SETD1B: variants seen among roughly 807,000 people sequenced by gnomAD.
SETD1B encodes the protein histone-lysine N-methyltransferase SETD1B.
SETD1B carries 7 observed loss-of-function variants against 148.0 expected under a neutral mutation model. That is an observed-to-expected ratio of 0.05 (90% CI 0.03 to 0.09). SETD1B has a LOEUF of 0.09. Ranked by LOEUF, SETD1B falls within the 10% of genes least tolerant of loss-of-function variation. The pLI, the probability that SETD1B is intolerant of heterozygous loss-of-function variation, is 1.00. For missense variants in SETD1B, 2,155 were observed against 2,729.9 expected, an observed-to-expected ratio of 0.79 and a Z score of 4.69; for synonymous variants, 1,361 against 1,186.5, an observed-to-expected ratio of 1.15 and a Z score of -3.02.
At chr12:121,792,190 G>A in the SETD1B span, among the ~76,000 whole-genome samples, 4 of 146,282 alleles carry the variant, frequency 2.7e-5, no homozygotes, top group African/African-American at 1.1e-4. Context: ...CTCCATCCTA[G>A]GTCAGTGTCT....
chr12:121,809,518 C>A, intron 5 of SETD1B, 85 bp from the exon 6 acceptor site: 1 of 1,422,676 alleles, frequency 7.0e-7, no homozygotes, highest in East Asian at 2.5e-5. Flanking sequence ...CTCTGAGCTT[C>A]CCAGCAGCCA....
In SETD1B at chr12:121,831,547, G is replaced by A. The variant is rs1184470736; in HGVS notation, c.*1308G>A. ...TCTGTATATAGAGGCTGCCGCAAAG[G>A]ACTTTCTCTTGGGAACATTGTTTCT... On this transcript the variant is annotated 3_prime_UTR_variant, in exon 17 of 17. Transcript: ENST00000604567. The A allele has an allele frequency of 6.6e-6, 1 of 151,748 alleles. No homozygotes were observed. The highest frequency in any genetic ancestry group is 6.6e-5 in the Admixed American group (1 of 15,244). The allele number at this position is 151,748 out of a possible 1,614,324, so 9.4% of individuals were successfully genotyped here.
At chr12:121,792,763 G>A in the SETD1B span, among the ~76,000 whole-genome samples, 1 of 152,188 alleles carries the variant, frequency 6.6e-6, no homozygotes, top group Admixed American at 6.5e-5. Flanking sequence ...CACAGCCCAG[G>A]CAATCCGAGC....
In SETD1B at chr12:121,822,573, C is replaced by A. The variant is rs372668133; in HGVS notation, c.3994C>A (p.Arg1332=). Residue 1332 remains arginine, a synonymous_variant, in exon 12 of 17, where the codon CGG becomes AGG. Coordinates refer to ENST00000604567, the MANE Select transcript of SETD1B (RefSeq NM_001353345.2). ...ACCATTGCCGCCCCCACGACCACCC[C>A]GGCCACCCAGCCCACCGCCGGAGCC... ...QPPLPPPRPP[R]PPSPPPEPET... The A allele has an allele frequency of 2.4e-5, 38 of 1,551,296 alleles. No individual in the cohort carries two copies. The Admixed American group carries it at 4.5e-4, about 18-fold the overall frequency.
intron 13 of SETD1B, 140 bp downstream of exon 13, chr12:121,825,506 GAGAGGCGGGTGGGC>G: frequency 3.3e-5 from 14 of 428,714 alleles, no homozygotes; most frequent in East Asian, 1.6e-4. Context: ...AGTGGAAGGG[GAGAGGCGGGTGGGC>G]GGGGCCTAGG....
chr12:121,826,700 C>T (rs2137587278), intron 13 of SETD1B, among the ~76,000 whole-genome samples: 1 of 152,222 alleles, frequency 6.6e-6, no homozygotes, highest in South Asian at 2.1e-4. Flanking sequence ...GTTCGGGTTG[C>T]TGCGGTTTCC....
the SETD1B span, among the ~76,000 whole-genome samples, chr12:121,798,127 A>C: frequency 6.6e-6 from 1 of 152,234 alleles, no homozygotes; most frequent in African/African-American, 2.4e-5. Flanking sequence ...TGCCATGGGC[A>C]CAGGCGCTGG....
rs969232574 is a variant in SETD1B at position 121,830,298 on chromosome 12, C to T, written c.*59C>T. On this transcript the variant is annotated 3_prime_UTR_variant, in exon 17 of 17. Transcript: ENST00000604567. This position sits in a 1 kb window ranked among gnomAD's most constrained non-coding sequence, Gnocchi z 5.7. ...AGCCCTGGGACTCCCGAGCGTGGAGCCCCTGGCCCCGGGGCCCGGCCCCCC... is the reference window on the plus strand; with the variant it reads ...AGCCCTGGGACTCCCGAGCGTGGAGTCCCTGGCCCCGGGGCCCGGCCCCCC... 8.7e-6 allele frequency: 13 copies of T among 1,489,734 alleles called. No homozygotes were observed. Among genetic ancestry groups the T allele is most frequent in the African/African-American group, 1.4e-5 (1 of 71,442 alleles). The allele number at this position is 1,489,734 out of a possible 1,614,324, so 92.3% of individuals were successfully genotyped here.
upstream of SETD1B, chr12:121,799,728 G>GT (rs1875221824): frequency 2.7e-5 from 3 of 109,942 alleles, 1 homozygote; most frequent in African/African-American, 6.7e-5. Flanking sequence ...GGGGGGGGGG[G>GT]GGTGGGGTGG....
chr12:121,814,762 C>T lies in SETD1B; in HGVS notation c.2547C>T (p.Tyr849=), dbSNP rs1326286598. The T allele has an allele frequency of 4.5e-6, 7 of 1,551,412 alleles. No individual in the cohort carries two copies. The highest frequency in any genetic ancestry group is 2.6e-6 in the Non-Finnish European group (3 of 1,146,990). Residue 849 remains tyrosine (Y), a synonymous_variant, in exon 7 of 17, where the codon TAC becomes TAT. Coordinates refer to ENST00000604567, the MANE Select transcript of SETD1B (RefSeq NM_001353345.2). Reference sequence around the variant, plus strand: ...ACCCGTCAGTGCCTCCACCAGGCTACATGCCACGCCAGGAGGACCCACACA... The same window carrying T: ...ACCCGTCAGTGCCTCCACCAGGCTATATGCCACGCCAGGAGGACCCACACA... ...KFDPSVPPPG[Y]MPRQEDPHKA...
At chr12:121,801,369 C>G (rs979778239), upstream of SETD1B, 1 of 152,240 alleles carries the variant, frequency 6.6e-6, no homozygotes, top group African/African-American at 2.4e-5. Flanking sequence ...AGCCCGTCTT[C>G]TCGCCCTTGG....
chr12:121,790,799 C>T, the SETD1B span, among the ~76,000 whole-genome samples: 1 of 152,208 alleles, frequency 6.6e-6, no homozygotes, highest in Admixed American at 6.5e-5. Flanking sequence ...CAGCTTGGGG[C>T]ATGGCACCGT....
At chr12:121,812,787 T>C (rs945704011) in intron 6 of SETD1B, among the ~76,000 whole-genome samples, 2 of 152,166 alleles carry the variant, frequency 1.3e-5, no homozygotes, top group African/African-American at 2.4e-5. Context: ...TGTGTATGTG[T>C]GCACAGAGGG....
Position 121,830,317 on chromosome 12 carries a change from G to T in SETD1B, c.*78G>T. 7.3e-7 allele frequency: 1 copy of T among 1,376,200 alleles called. No individual in the cohort carries two copies. The highest frequency in any genetic ancestry group is 2.5e-5 in the East Asian group (1 of 39,764). The allele number at this position is 1,376,200 out of a possible 1,614,324, so 85.2% of individuals were successfully genotyped here. A position where few individuals can be genotyped will look rare whatever the true frequency, so the allele number is the denominator to read the frequency against. On this transcript the variant is annotated 3_prime_UTR_variant, in exon 17 of 17. Coordinates refer to ENST00000604567, the MANE Select transcript of SETD1B (RefSeq NM_001353345.2). This position sits in a 1 kb window ranked among gnomAD's most constrained non-coding sequence, Gnocchi z 5.7. ...GTGGAGCCCCTGGCCCCGGGGCCCG[G>T]CCCCCCGCGCCCGCCCCCATTTCAG... is the stretch of plus-strand genomic sequence containing the variant.
At chr12:121,828,708 CT>C (rs1876956061) in intron 16 of SETD1B, among the ~76,000 whole-genome samples, 1 of 152,218 alleles carries the variant, frequency 6.6e-6, no homozygotes, top group South Asian at 2.1e-4. Flanking sequence ...ATGCCCCTGA[CT>C]TTGGGTTCAA....
rs1877143700 is a variant in SETD1B, at chr12:121,832,552, T to G, written c.*2313T>G. 1 of 183,914 alleles carries G rather than the reference T, an allele frequency of 5.4e-6. No homozygotes were observed. The highest frequency in any genetic ancestry group is 2.4e-5 in the African/African-American group (1 of 41,732). The allele number at this position is 183,914 out of a possible 1,614,324, so 11.4% of individuals were successfully genotyped here. ...AGAGAAGTGTTTCCGTTGTGTGTCT[T>G]GATGTAAATATTTGTTCATATTTTT... On this transcript the variant is annotated 3_prime_UTR_variant, in exon 17 of 17. Transcript: ENST00000604567.
rs538904696 is a variant in SETD1B at position 121,805,779 on chromosome 12, G to T, written c.274-56G>T. ...GCGGGCGGGGCGGGGGGGATGTTGT[G>T]TTTTCCCTTAGGTTTAAACGTTCTT... On this transcript the variant is annotated intron_variant, in intron 3 of 16. Coordinates refer to ENST00000604567, the MANE Select transcript of SETD1B (RefSeq NM_001353345.2). The surrounding 1 kb of genome is among the most constrained non-coding windows in gnomAD (Gnocchi z 4.2). 1.3e-6 allele frequency: 2 copies of T among 1,498,564 alleles called. No homozygotes were observed. Among genetic ancestry groups the T allele is most frequent in the Non-Finnish European group, 1.8e-6 (2 of 1,114,820 alleles). 92.8% of individuals were successfully genotyped at this position (1,498,564 alleles called of 1,614,324 possible). A position where few individuals can be genotyped will look rare whatever the true frequency, so the allele number is the denominator to read the frequency against.
rs1488044070 is a variant in SETD1B, at chr12:121,830,373, G to C, written c.*134G>C. On this transcript the variant is annotated 3_prime_UTR_variant, in exon 17 of 17. Coordinates refer to ENST00000604567, the MANE Select transcript of SETD1B (RefSeq NM_001353345.2). The surrounding 1 kb of genome is among the most constrained non-coding windows in gnomAD (Gnocchi z 5.7). ...GTCCTCTACCCAGCGGCCATTCAGGGCCTGGCGCCCCACACTACCCCCTGG... is the reference window on the plus strand; with the variant it reads ...GTCCTCTACCCAGCGGCCATTCAGGCCCTGGCGCCCCACACTACCCCCTGG... The C allele has an allele frequency of 1.2e-6, 1 of 835,884 alleles. No individual in the cohort carries two copies. The highest frequency in any genetic ancestry group is 2.7e-5 in the East Asian group (1 of 36,448). The allele number at this position is 835,884 out of a possible 1,614,324, so 51.8% of individuals were successfully genotyped here. A position where few individuals can be genotyped will look rare whatever the true frequency, so the allele number is the denominator to read the frequency against.
At position 121,810,434 on chromosome 12, in the gene SETD1B, G is replaced by A. The variant is rs779883313; in HGVS notation, c.1489G>A (p.Asp497Asn). 29 of 1,549,078 alleles carry A rather than the reference G, an allele frequency of 1.9e-5. No individual in the cohort carries two copies. The highest frequency in any genetic ancestry group is 7.8e-5 in the Admixed American group (4 of 50,998). ...SSPAGPEKPH[D>N]SLDSRIEMLL... The stretch of plus-strand genomic sequence containing the variant: ...CCCTGCAGGGCCAGAGAAACCCCAC[G>A]ACAGCCTGGACTCGCGCATCGAGAT... Residue 497 changes from aspartate to asparagine, a missense_variant, in exon 6 of 17, where the codon GAC becomes AAC. By Grantham distance (23) the Asp-to-Asn change is conservative (BLOSUM62 1). Coordinates refer to ENST00000604567, the MANE Select transcript of SETD1B (RefSeq NM_001353345.2). This position sits in a 1 kb window ranked among gnomAD's most constrained non-coding sequence, Gnocchi z 7.6.
Sources: gnomAD v4.1 joint callset for allele counts (sites outside exome capture counted in the v4.1 genomes callset) on GRCh38, gnomAD v4.1.1 for gene constraint, Gnocchi (gnomAD v3.1) non-coding constraint, MANE v1.5 for transcripts, NCBI Gene and HGNC (gene_info 2026-07-23, HGNC 2026-07-21) for gene names.